RNF130: variants seen among roughly 807,000 people sequenced by gnomAD.
RNF130 encodes E3 ubiquitin-protein ligase RNF130.
In RNF130, 21 loss-of-function variants were observed where a neutral mutation model predicts 44.6. That is an observed-to-expected ratio of 0.47 (90% CI 0.33 to 0.68). RNF130 has a LOEUF of 0.68. Among genes scored for constraint, RNF130 ranks in the 30% least tolerant of loss-of-function variants. The probability of loss-of-function intolerance (pLI) is 0.02; values close to 1 mark genes in which losing one functional copy is unlikely to be tolerated. For synonymous variants in RNF130, 214 were observed against 210.4 expected, an observed-to-expected ratio of 1.02 and a Z score of -0.15; for missense variants, 479 against 560.6, an observed-to-expected ratio of 0.85 and a Z score of 1.47.
At chr5:179,993,077 G>C (rs977390855) in intron 3 of RNF130, among the ~76,000 whole-genome samples, 2 of 152,206 alleles carry the variant, frequency 1.3e-5, no homozygotes, top group Non-Finnish European at 2.9e-5. Flanking sequence ...TGGCTGCATA[G>C]TATTCCATGG....
At chr5:179,942,930 C>G (rs1761985572) in intron 7 of RNF130, among the ~76,000 whole-genome samples, 1 of 152,200 alleles carries the variant, frequency 6.6e-6, no homozygotes, top group South Asian at 2.1e-4. Flanking sequence ...GGTGCCGTGG[C>G]TCAGGCCTGT....
chr5:179,968,329 C>A (rs548856697), intron 6 of RNF130, among the ~76,000 whole-genome samples: 5 of 146,544 alleles, frequency 3.4e-5, no homozygotes, highest in Non-Finnish European at 6.1e-5. Context: ...AAGAAGGCGG[C>A]GGCTAGCGGT....
At chr5:180,071,154 C>G (rs1765251017) in intron 1 of RNF130, among the ~76,000 whole-genome samples, 1 of 152,240 alleles carries the variant, frequency 6.6e-6, no homozygotes, top group Non-Finnish European at 1.5e-5. Context: ...TGCACCACCT[C>G]CTTTGTCTAC....
intron 5 of RNF130, among the ~76,000 whole-genome samples, chr5:179,973,942 G>C (rs996895249): frequency 6.6e-6 from 1 of 152,002 alleles, no homozygotes; most frequent in African/African-American, 2.4e-5. Context: ...AACATGAAAG[G>C]AACAAACCCA....
chr5:180,010,463 A>T (rs1384434900), intron 3 of RNF130, among the ~76,000 whole-genome samples: 1 of 151,890 alleles, frequency 6.6e-6, no homozygotes, highest in Non-Finnish European at 1.5e-5. Context: ...AAGTTCAAGC[A>T]ATTCTCGTGC....
chr5:180,064,007 A>G (rs1765042855), intron 1 of RNF130, among the ~76,000 whole-genome samples: 1 of 152,186 alleles, frequency 6.6e-6, no homozygotes, highest in Non-Finnish European at 1.5e-5. Flanking sequence ...CAATTCCATT[A>G]CCGCTGAGAG....
At chr5:179,936,478 C>A (rs908694674) in intron 7 of RNF130, among the ~76,000 whole-genome samples, 1 of 152,296 alleles carries the variant, frequency 6.6e-6, no homozygotes, top group African/African-American at 2.4e-5. Context: ...ATCCTCCTGT[C>A]TTAGCCTCCC....
In RNF130 at chr5:180,040,565, C is replaced by T. The variant is rs1582212269; in HGVS notation, c.330G>A (p.Arg110=). 1 of 1,614,166 alleles carries T rather than the reference C, an allele frequency of 6.2e-7. No individual in the cohort carries two copies. Among genetic ancestry groups the T allele is most frequent in the South Asian group, 1.1e-5 (1 of 91,090 alleles). Residue 110 remains arginine (R), a synonymous_variant, in exon 2 of 9, where the codon AGG becomes AGA. Transcript: ENST00000521389. ...TTTTCTCTTTAAACGTGCAGTTTCC[C>T]CTCTGCAGCAAGGCAATCCACTGTT... ...NIKQWIALLQ[R]GNCTFKEKIS...
In RNF130 at chr5:179,991,956, A is replaced by C. The variant is rs543844475; in HGVS notation, c.694-11756T>G. Reference sequence around the variant, plus strand: ...ATGTACAGTTCACAGTAGGCTTCACACTCCTATGAGAACCTAATGCCACCC... The same window carrying C: ...ATGTACAGTTCACAGTAGGCTTCACCCTCCTATGAGAACCTAATGCCACCC... On this transcript the variant is annotated intron_variant, in intron 3 of 8. Coordinates refer to ENST00000521389, the MANE Select transcript of RNF130 (RefSeq NM_018434.6). Among the ~76,000 whole-genome samples the C allele has an allele frequency of 7.9e-5, 12 of 151,916 alleles. No homozygotes were observed. The South Asian group carries it at 2.5e-3, about 32-fold the overall frequency.
intron 7 of RNF130, among the ~76,000 whole-genome samples, chr5:179,949,271 T>A (rs1283631604): frequency 6.6e-6 from 1 of 151,858 alleles, no homozygotes; most frequent in Non-Finnish European, 1.5e-5. Flanking sequence ...CAGACAATTT[T>A]TTTTTTTTTT....
chr5:179,915,930 C>A (rs576146028), exon 8 of RNF130: 1 of 152,322 alleles, frequency 6.6e-6, no homozygotes, highest in South Asian at 2.1e-4. Flanking sequence ...TGATAACGTG[C>A]CCATGAACAG....
At chr5:180,039,109 C>T (rs971113474) in intron 2 of RNF130, among the ~76,000 whole-genome samples, 4 of 152,120 alleles carry the variant, frequency 2.6e-5, no homozygotes, top group African/African-American at 7.2e-5. Context: ...AAAAGTTACA[C>T]GACCCCAGTG....
chr5:180,000,495 C>G (rs529961226), intron 3 of RNF130, among the ~76,000 whole-genome samples: 1 of 152,290 alleles, frequency 6.6e-6, no homozygotes, highest in Non-Finnish European at 1.5e-5. Flanking sequence ...ATGCCTTTCC[C>G]CTTCTCTCCT....
intron 3 of RNF130, among the ~76,000 whole-genome samples, chr5:179,989,159 G>GAA (rs1334566303): frequency 3.2e-4 from 48 of 152,316 alleles, no homozygotes; most frequent in Non-Finnish European, 5.4e-4. Flanking sequence ...AGAAACGCCA[G>GAA]ACGCTTATAA....
At chr5:180,071,304 G>A (rs983613972) in intron 1 of RNF130, 152 bp downstream of exon 1, 3 of 659,726 alleles carry the variant, frequency 4.5e-6, no homozygotes, top group Non-Finnish European at 4.3e-6. Flanking sequence ...GGAGCAGGCC[G>A]GGCTGTCCAC....
intron 3 of RNF130, among the ~76,000 whole-genome samples, chr5:179,987,585 C>T (rs1762984333): frequency 6.6e-6 from 1 of 152,234 alleles, no homozygotes; most frequent in African/African-American, 2.4e-5. Flanking sequence ...AAAGGAAAGT[C>T]TTTCAGCTTT....
chr5:180,021,195 T>C (rs1763864037), intron 2 of RNF130, among the ~76,000 whole-genome samples: 1 of 152,112 alleles, frequency 6.6e-6, no homozygotes. Flanking sequence ...CTCAATCACC[T>C]GATAGGATGG....
At chr5:180,007,176 G>C (rs1763478374) in intron 3 of RNF130, among the ~76,000 whole-genome samples, 2 of 152,132 alleles carry the variant, frequency 1.3e-5, no homozygotes, top group African/African-American at 2.4e-5. Flanking sequence ...TGAGGCAGGA[G>C]GATCACATGA....
intron 1 of RNF130, among the ~76,000 whole-genome samples, chr5:180,042,470 T>C (rs1476000922): frequency 1.3e-5 from 2 of 152,232 alleles, no homozygotes; most frequent in Non-Finnish European, 2.9e-5. Flanking sequence ...GTCATGATTT[T>C]AGGAGTCAAC....
Sources: gnomAD v4.1 joint callset for allele counts (sites outside exome capture counted in the v4.1 genomes callset) on GRCh38, gnomAD v4.1.1 for gene constraint, MANE v1.5 for transcripts, NCBI Gene and HGNC (gene_info 2026-07-23, HGNC 2026-07-21) for gene names.